Variants in CAMTA1 observed in about 807,000 individuals in gnomAD.
The protein encoded by CAMTA1 is calmodulin binding transcription activator 1.
Under a neutral mutation model 170.9 loss-of-function variants are expected in CAMTA1, and 27 were observed. The observed-to-expected ratio is 0.16, with a 90% CI of 0.12 to 0.22. CAMTA1 has a LOEUF of 0.22. Among genes scored for constraint, CAMTA1 ranks in the 10% least tolerant of loss-of-function variants. The probability of loss-of-function intolerance (pLI) is 1.00; values close to 1 mark genes in which losing one functional copy is unlikely to be tolerated. For missense variants in CAMTA1, 1,619 were observed against 2,217.2 expected, an observed-to-expected ratio of 0.73 and a Z score of 5.42; for synonymous variants, 833 against 891.5, an observed-to-expected ratio of 0.93 and a Z score of 1.17.
intron 3 of CAMTA1, among the ~76,000 whole-genome samples, chr1:6,984,619 G>A (rs1160295682): frequency 1.4e-5 from 2 of 146,792 alleles, no homozygotes; most frequent in Non-Finnish European, 3.0e-5. Context: ...TCTTAAAAAA[G>A]AAAATACTCA....
Position 7,458,502 on chromosome 1 carries a change from CCAAGCCA to C in CAMTA1, c.439-9327_439-9321del, listed in dbSNP as rs199794423. 2.4e-3 allele frequency among the ~76,000 whole-genome samples: 365 copies of C among 152,266 alleles called. 15 individuals carry two copies. The East Asian group carries it at 0.066, about 28-fold the overall frequency. ...TGGAAGGACAGGACCAGCCAGAATG[CCAAGCCA>C]AGGGACGGCTACTCTCCCAGGGAGC... On this transcript the variant is annotated intron_variant, in intron 5 of 22. Coordinates refer to ENST00000303635, the MANE Select transcript of CAMTA1 (RefSeq NM_015215.4).
At chr1:7,013,378 A>G (rs1314726057) in intron 3 of CAMTA1, among the ~76,000 whole-genome samples, 4 of 151,698 alleles carry the variant, frequency 2.6e-5, no homozygotes, top group East Asian at 1.9e-4. Context: ...ATGCCCGGCT[A>G]ATTTTTGTAT....
rs201369633 is a variant in CAMTA1, at chr1:7,751,172, T to A, written c.4690-27T>A. ...GCCCGTGCAGCCCCTGTTGTTACTGTGTCGCTTGTTCTTGTTTCCCCTGCA... is the reference window on the plus strand; with the variant it reads ...GCCCGTGCAGCCCCTGTTGTTACTGAGTCGCTTGTTCTTGTTTCCCCTGCA... On this transcript the variant is annotated intron_variant, in intron 19 of 22. Coordinates refer to ENST00000303635, the MANE Select transcript of CAMTA1 (RefSeq NM_015215.4). The A allele has an allele frequency of 2.6e-4, 399 of 1,543,442 alleles. 3 individuals are homozygous for A. Among genetic ancestry groups the A allele is most frequent in the Non-Finnish European group, 4.0e-5 (46 of 1,144,342 alleles).
rs1026496960 is a variant in CAMTA1 at position 6,858,463 on chromosome 1, G to A, written c.234+33253G>A. Among the ~76,000 whole-genome samples the A allele has an allele frequency of 2.5e-4, 34 of 137,942 alleles. 1 individual carries two copies. The highest frequency in any genetic ancestry group is 1.3e-3 in the Admixed American group (18 of 13,344). 90.5% of individuals were successfully genotyped at this position (137,942 alleles called of 152,430 possible). A position where few individuals can be genotyped will look rare whatever the true frequency, so the allele number is the denominator to read the frequency against. On this transcript the variant is annotated intron_variant, in intron 3 of 22. Transcript: ENST00000303635. Reference sequence around the variant, plus strand: ...TGTGTGTGGTGGTGGTGGTGGTGGTGGTGGTGGTGTGTGTGTGTGTGTTGG... The same window carrying A: ...TGTGTGTGGTGGTGGTGGTGGTGGTAGTGGTGGTGTGTGTGTGTGTGTTGG...
At chr1:7,513,500 G>A (rs1374657053) in intron 6 of CAMTA1, among the ~76,000 whole-genome samples, 2 of 152,152 alleles carry the variant, frequency 1.3e-5, no homozygotes, top group Non-Finnish European at 2.9e-5. Flanking sequence ...GGAAGAGAGG[G>A]TCTGTCCCGG....
intron 6 of CAMTA1, among the ~76,000 whole-genome samples, chr1:7,571,879 G>A (rs2095130565): frequency 6.6e-6 from 1 of 152,124 alleles, no homozygotes; most frequent in African/African-American, 2.4e-5. Flanking sequence ...AGGTCGAATG[G>A]GAGTTCTGTT....
At chr1:7,677,572 G>T in intron 10 of CAMTA1, 27 bp from the exon 11 acceptor site, 1 of 1,608,642 alleles carries the variant, frequency 6.2e-7, no homozygotes, top group South Asian at 1.1e-5. Flanking sequence ...CCCATCCCTT[G>T]ACCTGGTCTT....
intron 5 of CAMTA1, among the ~76,000 whole-genome samples, chr1:7,276,570 A>G (rs1670763803): frequency 6.6e-6 from 1 of 151,774 alleles, no homozygotes; most frequent in Non-Finnish European, 1.5e-5. Flanking sequence ...CGGCCTCCCA[A>G]AGTGCTGGGA....
At position 7,680,080 on chromosome 1, in the gene CAMTA1, G is replaced by C. The variant is rs2096172536; in HGVS notation, c.2914+2347G>C. On this transcript the variant is annotated intron_variant, in intron 11 of 22. Transcript: ENST00000303635. This position sits in a 1 kb window ranked among gnomAD's most constrained non-coding sequence, Gnocchi z 4.4. ...TAAATACTAAGGGAGGGGAGGGGAA[G>C]CAGCGCCGCAGTCGCAGCGCAAAGG... 6.1e-6 allele frequency: 1 copy of C among 164,218 alleles called. No individual in the cohort carries two copies. The highest frequency in any genetic ancestry group is 1.4e-5 in the Non-Finnish European group (1 of 73,878). 10.2% of individuals were successfully genotyped at this position (164,218 alleles called of 1,614,324 possible).
At chr1:7,330,309 A>G (rs2082948077) in intron 5 of CAMTA1, among the ~76,000 whole-genome samples, 1 of 152,184 alleles carries the variant, frequency 6.6e-6, no homozygotes, top group Admixed American at 6.5e-5. Context: ...TAATAGTCGC[A>G]GGACCCGGAT....
In CAMTA1 at chr1:7,635,482, G is replaced by T. The variant is rs536828303; in HGVS notation, c.511-4918G>T. On this transcript the variant is annotated intron_variant, in intron 6 of 22. Coordinates refer to ENST00000303635, the MANE Select transcript of CAMTA1 (RefSeq NM_015215.4). This position sits in a 1 kb window ranked among gnomAD's most constrained non-coding sequence, Gnocchi z 4.4. The stretch of plus-strand genomic sequence containing the variant: ...CAATTAGCGGGGCACTGTGGCGGGC[G>T]CCTGTACTCCCAGCTACTCCAGAGG... Among the ~76,000 whole-genome samples, 19 of 152,056 alleles carry T rather than the reference G, an allele frequency of 1.2e-4. No individual in the cohort carries two copies. In the South Asian group the frequency reaches 2.1e-3, roughly 17 times the overall value.
chr1:7,094,834 G>A (rs1641879995), intron 4 of CAMTA1, among the ~76,000 whole-genome samples: 2 of 152,304 alleles, frequency 1.3e-5, no homozygotes, highest in South Asian at 4.1e-4. Flanking sequence ...CCTGCGGAAC[G>A]TGTTTTTTTG....
chr1:6,868,131 T>TTTTTTTTTTTTTGAGAC (rs1667231410), intron 3 of CAMTA1, among the ~76,000 whole-genome samples: 1 of 151,984 alleles, frequency 6.6e-6, no homozygotes, highest in Admixed American at 6.6e-5. Flanking sequence ...TTTTAATTGT[T>TTTTTTTTTTTTTGAGAC]GAATATACTT....
At chr1:7,726,808 C>A (rs1050042748) in intron 11 of CAMTA1, among the ~76,000 whole-genome samples, 5 of 152,220 alleles carry the variant, frequency 3.3e-5, no homozygotes, top group African/African-American at 1.2e-4. Context: ...TCAGAACCGC[C>A]AGGCAGGAAG....
chr1:7,098,134 C>A (rs182743913), intron 4 of CAMTA1, among the ~76,000 whole-genome samples: 61 of 151,764 alleles, frequency 4.0e-4, no homozygotes, highest in African/African-American at 1.4e-3. Flanking sequence ...CGTGCGCGTG[C>A]GTGCGCATGC....
chr1:7,583,177 C>T (rs1219060439), intron 6 of CAMTA1, among the ~76,000 whole-genome samples: 1 of 152,092 alleles, frequency 6.6e-6, no homozygotes, highest in Non-Finnish European at 1.5e-5. Flanking sequence ...CTTCCCCAAC[C>T]TGCCCATCAT....
At chr1:6,942,376 T>C (rs1225286369) in intron 3 of CAMTA1, among the ~76,000 whole-genome samples, 1 of 152,182 alleles carries the variant, frequency 6.6e-6, no homozygotes, top group Non-Finnish European at 1.5e-5. Flanking sequence ...AACCATGGGC[T>C]CACTTGGTAC....
chr1:7,228,474 C>G (rs6689574), intron 4 of CAMTA1, among the ~76,000 whole-genome samples: 84,938 of 152,112 alleles, frequency 0.56, 24,094 homozygotes, highest in South Asian at 0.64. Flanking sequence ...GCTCTCACTG[C>G]GGTTCCAGCA....
In CAMTA1 at chr1:7,738,079, T is replaced by C. The variant is rs769817889; in HGVS notation, c.3779T>C (p.Leu1260Pro). The C allele has an allele frequency of 2.5e-6, 4 of 1,614,160 alleles. No homozygotes were observed. In the East Asian group the frequency reaches 8.9e-5, roughly 36 times the overall value. ...PEYFQTRQEKLLPTALSLEEP... is the reference protein window; with the variant it reads ...PEYFQTRQEKPLPTALSLEEP... ...TACTTCCAGACAAGGCAGGAGAAGCTGCTTCCCACTGCACTGAGTCTGGAA... is the reference window on the plus strand; with the variant it reads ...TACTTCCAGACAAGGCAGGAGAAGCCGCTTCCCACTGCACTGAGTCTGGAA... Residue 1260 changes from leucine to proline, a missense_variant, in exon 16 of 23, where the codon CTG becomes CCG. Around this residue, in one of 8 missense-constraint regions of CAMTA1, gnomAD observed 370 missense variants for 429.4 expected, o/e 0.86. Coordinates refer to ENST00000303635, the MANE Select transcript of CAMTA1 (RefSeq NM_015215.4). The surrounding 1 kb of genome is among the most constrained non-coding windows in gnomAD (Gnocchi z 4.9).
Sources: allele counts gnomAD v4.1 joint callset (sites outside exome capture counted in the v4.1 genomes callset), GRCh38; gene constraint gnomAD v4.1.1; regional missense constraint gnomAD v4.1.1; non-coding constraint Gnocchi (gnomAD v3.1); transcripts MANE v1.5; gene names NCBI Gene and HGNC (gene_info 2026-07-23, HGNC 2026-07-21).